Variants in DLG1 observed in about 807,000 individuals in gnomAD.
DLG1 encodes discs large MAGUK scaffold protein 1, also known as disks large homolog 1.
In DLG1, 42 loss-of-function variants were observed where a neutral mutation model predicts 123.4. The ratio of observed to expected loss-of-function variants is 0.34; its 90% CI spans 0.27 to 0.44. DLG1 has a LOEUF of 0.44. DLG1 is among the 20% of genes least tolerant of loss of function. DLG1 has a pLI of 1.00. For missense variants in DLG1, 942 were observed against 1,082.6 expected, an observed-to-expected ratio of 0.87 and a Z score of 1.82; for synonymous variants, 317 against 356.2, an observed-to-expected ratio of 0.89 and a Z score of 1.24.
chr3:197,236,318 T>TAA (rs1745933569), intron 4 of DLG1, among the ~76,000 whole-genome samples: 1 of 150,738 alleles, frequency 6.6e-6, no homozygotes, highest in Non-Finnish European at 1.5e-5. Flanking sequence ...GTCTCAAAAA[T>TAA]TAAAAAAAAG....
chr3:197,103,453 C>T (rs543613207), intron 14 of DLG1, among the ~76,000 whole-genome samples: 1 of 152,084 alleles, frequency 6.6e-6, no homozygotes, highest in Admixed American at 6.5e-5. Context: ...AGTGTACCTA[C>T]GGGGTGGAAT....
chr3:197,146,214 A>G (rs1306570017), intron 6 of DLG1, among the ~76,000 whole-genome samples: 1 of 152,166 alleles, frequency 6.6e-6, no homozygotes, highest in African/African-American at 2.4e-5. Context: ...TACTGTGAAA[A>G]TGACTATACT....
chr3:197,121,148 T>C (rs1776149476), intron 11 of DLG1, among the ~76,000 whole-genome samples: 1 of 152,182 alleles, frequency 6.6e-6, no homozygotes, highest in Admixed American at 6.5e-5. Context: ...ACATCCAGAC[T>C]ATCCCTTTAG....
At chr3:197,191,025 A>AAAC (rs945552429) in intron 5 of DLG1, among the ~76,000 whole-genome samples, 9 of 152,124 alleles carry the variant, frequency 5.9e-5, no homozygotes, top group Non-Finnish European at 2.9e-5. Context: ...AAACAAAACA[A>AAAC]AACAACAACA....
intron 12 of DLG1, among the ~76,000 whole-genome samples, chr3:197,117,303 T>A (rs1311578923): frequency 6.6e-6 from 1 of 152,162 alleles, no homozygotes; most frequent in Non-Finnish European, 1.5e-5. Context: ...AACATAGAAT[T>A]ACCATATGAC....
intron 4 of DLG1, among the ~76,000 whole-genome samples, chr3:197,220,876 AGAAG>A (rs1736622137): frequency 6.6e-6 from 1 of 152,236 alleles, no homozygotes; most frequent in Admixed American, 6.5e-5. Context: ...TCATCTTAGA[AGAAG>A]GAAGATACTA....
At chr3:197,120,305 G>A (rs1054332959) in intron 11 of DLG1, among the ~76,000 whole-genome samples, 13 of 147,974 alleles carry the variant, frequency 8.8e-5, no homozygotes. Context: ...AAAACCAAAC[G>A]TTGGTTCACT....
At chr3:197,299,052 C>G (rs1778697007), upstream of DLG1, 1 of 152,414 alleles carries the variant, frequency 6.6e-6, no homozygotes, top group Non-Finnish European at 1.5e-5. Context: ...CACCCGGAGT[C>G]GCGCCCTCCG....
chr3:197,131,229 A>C (rs1782280040), intron 10 of DLG1, among the ~76,000 whole-genome samples: 1 of 152,208 alleles, frequency 6.6e-6, no homozygotes, highest in Non-Finnish European at 1.5e-5. Flanking sequence ...TTGTTCTCCT[A>C]AATGGTTTTA....
Position 197,136,562 on chromosome 3 carries a change from T to A in DLG1, c.1000A>T (p.Ile334Phe). 1 of 1,611,990 alleles carries A rather than the reference T, an allele frequency of 6.2e-7. No homozygotes were observed. Among genetic ancestry groups the A allele is most frequent in the East Asian group, 2.2e-5 (1 of 44,808 alleles). Residue 334 changes from isoleucine to phenylalanine, a missense_variant, in exon 10 of 25, where the codon ATT becomes TTT. Physicochemically the swap from Ile to Phe is conservative, Grantham distance 21 (BLOSUM62 0). Coordinates refer to ENST00000667157, the MANE Select transcript of DLG1 (RefSeq NM_001366207.1). ...GAAHKDGKLQ[I>F]GDKLLAVNNV... ...CTTACTGCTAAAAGTTTATCTCCAA[T>A]CTGAAGTTTGCCATCCTTATGTGCT...
chr3:197,172,759 TAGAAC>T (rs2150042451), intron 5 of DLG1, among the ~76,000 whole-genome samples: 1 of 152,338 alleles, frequency 6.6e-6, no homozygotes, highest in East Asian at 1.9e-4. Context: ...TTGATAACCT[TAGAAC>T]AGAAGTTTCA....
At chr3:197,180,272 TAA>T (rs1415749225) in intron 5 of DLG1, among the ~76,000 whole-genome samples, 1 of 152,102 alleles carries the variant, frequency 6.6e-6, no homozygotes, top group Non-Finnish European at 1.5e-5. Context: ...GTTAATCAAG[TAA>T]AGTCTAGCAG....
At chr3:197,295,506 G>A (rs1776995981) in intron 3 of DLG1, among the ~76,000 whole-genome samples, 1 of 151,820 alleles carries the variant, frequency 6.6e-6, no homozygotes, top group African/African-American at 2.4e-5. Context: ...TTCATTCTTA[G>A]AATTGGAAGA....
intron 4 of DLG1, 68 bp from the exon 5 acceptor site, chr3:197,194,657 A>G (rs2150260047): frequency 3.6e-6 from 4 of 1,111,080 alleles, no homozygotes; most frequent in Admixed American, 2.6e-5. Flanking sequence ...CATGGTTTTC[A>G]TAACTAGCCA....
intron 14 of DLG1, among the ~76,000 whole-genome samples, chr3:197,100,464 G>A (rs906492515): frequency 6.6e-6 from 1 of 152,020 alleles, no homozygotes; most frequent in African/African-American, 2.4e-5. Flanking sequence ...CCTAACCAAT[G>A]GGAAAGAGAA....
At chr3:197,227,573 T>A (rs975145639) in intron 4 of DLG1, among the ~76,000 whole-genome samples, 1 of 152,222 alleles carries the variant, frequency 6.6e-6, no homozygotes, top group Non-Finnish European at 1.5e-5. Context: ...GGTCTCTGTA[T>A]GCTTAGTAAG....
intron 14 of DLG1, among the ~76,000 whole-genome samples, chr3:197,101,390 CTT>C (rs11368400): frequency 6.2e-5 from 9 of 146,262 alleles, no homozygotes; most frequent in Non-Finnish European, 7.6e-5. Flanking sequence ...ACAGGAGATT[CTT>C]TTTTTTTTTT....
chr3:197,120,212 G>T (rs1347301389), intron 11 of DLG1, among the ~76,000 whole-genome samples: 1 of 149,058 alleles, frequency 6.7e-6, no homozygotes, highest in Non-Finnish European at 1.5e-5. Context: ...AGTGAGCCGA[G>T]ATCGCATCAC....
intron 3 of DLG1, among the ~76,000 whole-genome samples, chr3:197,293,019 A>G (rs933773424): frequency 6.6e-6 from 1 of 152,188 alleles, no homozygotes; most frequent in African/African-American, 2.4e-5. Context: ...TGAAACCACT[A>G]TGGACCTGAA....
Sources: gnomAD v4.1 joint callset for allele counts (sites outside exome capture counted in the v4.1 genomes callset) on GRCh38, gnomAD v4.1.1 for gene constraint, MANE v1.5 for transcripts, NCBI Gene and HGNC (gene_info 2026-07-23, HGNC 2026-07-21) for gene names.